The following WWOX variants were observed in gnomAD, a reference collection of about 807,000 sequenced individuals.
WWOX encodes the protein WW domain-containing oxidoreductase.
A neutral mutation model predicts 46.2 loss-of-function variants in WWOX; 69 were observed. The observed-to-expected ratio is 1.49, with a 90% confidence interval of 1.23 to 1.82. WWOX has a LOEUF of 1.82. WWOX is among the 40% of genes most tolerant of loss of function. The probability of loss-of-function intolerance (pLI) is 0.00; values close to 1 mark genes in which losing one functional copy is unlikely to be tolerated. For missense variants in WWOX, 919 were observed against 542.6 expected (o/e 1.69, Z -6.89); for synonymous variants, 359 against 202.6 (o/e 1.77, Z -6.56).
chr16:79,006,284 G>A (rs905071656), intron 8 of WWOX, among the ~76,000 whole-genome samples: 2 of 152,160 alleles, frequency 1.3e-5, no homozygotes, highest in African/African-American at 4.8e-5. Context: ...TGGAGGAGAA[G>A]ATGTGAAGCG....
chr16:78,436,540 C>T (rs935713620), intron 8 of WWOX, among the ~76,000 whole-genome samples: 1 of 152,116 alleles, frequency 6.6e-6, no homozygotes, highest in Non-Finnish European at 1.5e-5. Context: ...TATATTTAAG[C>T]GTTTGGTAGT....
chr16:78,849,415 C>CA (rs930313816), intron 8 of WWOX, among the ~76,000 whole-genome samples: 14 of 149,946 alleles, frequency 9.3e-5, no homozygotes, highest in African/African-American at 2.2e-4. Flanking sequence ...ATTAAAAATA[C>CA]AAAAAAAAAT....
intron 8 of WWOX, among the ~76,000 whole-genome samples, chr16:79,007,732 G>A (rs1045560118): frequency 3.3e-5 from 5 of 152,140 alleles, no homozygotes; most frequent in Non-Finnish European, 5.9e-5. Context: ...GCTGCTTAGC[G>A]GCAAAACCAG....
chr16:78,577,197 C>G (rs143940960), intron 8 of WWOX, among the ~76,000 whole-genome samples: 1,762 of 152,248 alleles, frequency 0.012, 30 homozygotes, highest in African/African-American at 0.04. Context: ...GTTACATAAC[C>G]AAGCCCAGCT....
At chr16:78,348,765 G>T (rs1343520895) in intron 5 of WWOX, among the ~76,000 whole-genome samples, 2 of 121,242 alleles carry the variant, frequency 1.6e-5, no homozygotes, top group Admixed American at 8.0e-5. Context: ...GCCCTGATGT[G>T]ATGCTTAAAT....
chr16:79,124,231 C>T (rs1022088428), intron 8 of WWOX, among the ~76,000 whole-genome samples: 1 of 152,134 alleles, frequency 6.6e-6, no homozygotes, highest in Non-Finnish European at 1.5e-5. Context: ...AGCGTGCCCC[C>T]TGCCCCAGAA....
chr16:78,531,836 C>A (rs147122026), intron 8 of WWOX, among the ~76,000 whole-genome samples: 5 of 151,972 alleles, frequency 3.3e-5, no homozygotes, highest in African/African-American at 1.2e-4. Context: ...CCAGCCTGGG[C>A]GACAGAGGAA....
chr16:79,143,008 A>G (rs62038856), intron 8 of WWOX, among the ~76,000 whole-genome samples: 1 of 152,074 alleles, frequency 6.6e-6, no homozygotes, highest in Non-Finnish European at 1.5e-5. Flanking sequence ...CCAGCCATTT[A>G]TCTGTTTTTT....
chr16:78,183,230 T>C (rs2035588508), intron 5 of WWOX, among the ~76,000 whole-genome samples: 1 of 152,142 alleles, frequency 6.6e-6, no homozygotes, highest in Non-Finnish European at 1.5e-5. Flanking sequence ...TAATAATATC[T>C]ACCACCCACT....
intron 8 of WWOX, among the ~76,000 whole-genome samples, chr16:79,136,946 C>T (rs1031087086): frequency 2.6e-5 from 4 of 152,302 alleles, no homozygotes; most frequent in African/African-American, 9.6e-5. Flanking sequence ...TTAATCCTCC[C>T]CCTATCTTAC....
chr16:78,436,148 C>G (rs773336928), intron 8 of WWOX, among the ~76,000 whole-genome samples: 15 of 151,986 alleles, frequency 9.9e-5, no homozygotes, highest in Admixed American at 4.6e-4. Flanking sequence ...ATGGCTGTTA[C>G]TCTTGTCGTT....
At position 78,367,775 on chromosome 16, in the gene WWOX, C is replaced by T. The variant is rs573114528; in HGVS notation, c.517-19085C>T. On this transcript the variant is annotated intron_variant, in intron 5 of 8. Coordinates refer to ENST00000566780, the MANE Select transcript of WWOX (RefSeq NM_016373.4). Reference sequence around the variant, plus strand: ...CTCTTTTTTTTTTTTCTTTTTGTTTCGAGATGGAGTCTCGCTCTGTCACCA... The same window carrying T: ...CTCTTTTTTTTTTTTCTTTTTGTTTTGAGATGGAGTCTCGCTCTGTCACCA... Among the ~76,000 whole-genome samples, 108 of 149,842 alleles carry T rather than the reference C, an allele frequency of 7.2e-4. 1 individual carries two copies. The South Asian group carries it at 0.021, about 29-fold the overall frequency.
chr16:79,166,069 C>A (rs1283260478), intron 8 of WWOX, among the ~76,000 whole-genome samples: 1 of 152,232 alleles, frequency 6.6e-6, no homozygotes, highest in Non-Finnish European at 1.5e-5. Flanking sequence ...GTCCCAGCAG[C>A]ATAGACCAGC....
At chr16:78,639,196 C>G (rs1369863211) in intron 8 of WWOX, among the ~76,000 whole-genome samples, 2 of 152,134 alleles carry the variant, frequency 1.3e-5, no homozygotes, top group South Asian at 2.1e-4. Context: ...CCAGGATGTA[C>G]AAAGTACTTC....
intron 5 of WWOX, among the ~76,000 whole-genome samples, chr16:78,374,849 CCT>C (rs993397522): frequency 5.5e-4 from 83 of 151,978 alleles, no homozygotes; most frequent in African/African-American, 2.0e-3. Context: ...CGCACCCGGC[CCT>C]GTTTTTGCAT....
intron 8 of WWOX, among the ~76,000 whole-genome samples, chr16:79,210,434 T>G (rs1214807835): frequency 6.6e-6 from 1 of 152,168 alleles, no homozygotes; most frequent in Non-Finnish European, 1.5e-5. Context: ...ATGTAAACCC[T>G]GCAGGGGCAG....
At chr16:78,637,547 T>C (rs1012297209) in intron 8 of WWOX, among the ~76,000 whole-genome samples, 6 of 152,146 alleles carry the variant, frequency 3.9e-5, no homozygotes, top group African/African-American at 1.4e-4. Flanking sequence ...CCACCTGACA[T>C]TGGAAATTCG....
chr16:79,123,706 G>T (rs891195471), intron 8 of WWOX, among the ~76,000 whole-genome samples: 1 of 152,126 alleles, frequency 6.6e-6, no homozygotes, highest in Admixed American at 6.5e-5. Flanking sequence ...CCTGTCAGCT[G>T]TAGGAACATG....
At chr16:79,175,663 A>C (rs1201730301) in intron 8 of WWOX, among the ~76,000 whole-genome samples, 2 of 152,126 alleles carry the variant, frequency 1.3e-5, no homozygotes, top group Non-Finnish European at 2.9e-5. Flanking sequence ...TCTGATTCTG[A>C]TGAAGGATGT....
Sources: allele counts gnomAD v4.1 joint callset (sites outside exome capture counted in the v4.1 genomes callset), GRCh38; gene constraint gnomAD v4.1.1; transcripts MANE v1.5; gene names NCBI Gene and HGNC (gene_info 2026-07-23, HGNC 2026-07-21).